NCKAP5: variants seen among roughly 807,000 people sequenced by gnomAD.
The protein encoded by NCKAP5 is nck-associated protein 5.
NCKAP5 carries 92 observed loss-of-function variants against 167.0 expected under a neutral mutation model. The observed-to-expected ratio is 0.55, with a 90% CI of 0.47 to 0.66. NCKAP5 has a LOEUF of 0.66. Among genes scored for constraint, NCKAP5 ranks in the 30% least tolerant of loss-of-function variants. The pLI, the probability that NCKAP5 is intolerant of heterozygous loss-of-function variation, is 0.00. For synonymous variants in NCKAP5, 891 were observed against 877.4 expected, an observed-to-expected ratio of 1.02 and a Z score of -0.27; for missense variants, 2,378 against 2,315.0, an observed-to-expected ratio of 1.03 and a Z score of -0.56.
chr2:133,570,119 G>T (rs990940107), upstream of NCKAP5, among the ~76,000 whole-genome samples: 2 of 152,200 alleles, frequency 1.3e-5, no homozygotes, highest in Non-Finnish European at 2.9e-5. Flanking sequence ...TGCTTACTGA[G>T]TGGATAAAGC....
chr2:132,750,134 G>A (rs565480061), intron 16 of NCKAP5, among the ~76,000 whole-genome samples: 1 of 152,236 alleles, frequency 6.6e-6, no homozygotes, highest in Non-Finnish European at 1.5e-5. Flanking sequence ...GAAAAGCTAG[G>A]GAAGTTGTAT....
chr2:132,788,473 G>A (rs1004274964), intron 13 of NCKAP5, among the ~76,000 whole-genome samples: 4 of 152,188 alleles, frequency 2.6e-5, no homozygotes, highest in Admixed American at 2.0e-4. Context: ...TCTGGCGCCT[G>A]GCTCTGCCAT....
At chr2:132,710,433 C>A (rs1256649524) in intron 19 of NCKAP5, among the ~76,000 whole-genome samples, 1 of 152,172 alleles carries the variant, frequency 6.6e-6, no homozygotes, top group Non-Finnish European at 1.5e-5. Context: ...CACATACAAA[C>A]CTTCCTCTTA....
At chr2:133,408,882 C>G (rs10206474) in intron 3 of NCKAP5, among the ~76,000 whole-genome samples, 35,460 of 151,894 alleles carry the variant, frequency 0.23, 4,271 homozygotes, top group Non-Finnish European at 0.25. Flanking sequence ...ATCAGAGAAG[C>G]AGACCCCAGC....
intron 2 of NCKAP5, among the ~76,000 whole-genome samples, chr2:133,542,329 A>G (rs1032525965): frequency 1.3e-5 from 2 of 152,144 alleles, no homozygotes; most frequent in East Asian, 1.9e-4. Context: ...ACTGCCCAGT[A>G]TCTCATTAAT....
At chr2:132,940,818 A>G (rs975262627) in intron 8 of NCKAP5, among the ~76,000 whole-genome samples, 3 of 151,988 alleles carry the variant, frequency 2.0e-5, no homozygotes. Context: ...ACATTTTGCC[A>G]TGGAAGAGAG....
intron 3 of NCKAP5, among the ~76,000 whole-genome samples, chr2:133,485,210 T>C (rs1397278770): frequency 6.6e-6 from 1 of 152,158 alleles, no homozygotes; most frequent in Non-Finnish European, 1.5e-5. Flanking sequence ...CATTGGTATG[T>C]AATTACGTTT....
At chr2:133,053,927 A>G (rs2079698249) in intron 6 of NCKAP5, among the ~76,000 whole-genome samples, 1 of 152,240 alleles carries the variant, frequency 6.6e-6, no homozygotes, top group African/African-American at 2.4e-5. Flanking sequence ...ATATAATTTA[A>G]CTTCAAAATT....
At chr2:133,151,254 A>C (rs1161571337) in intron 5 of NCKAP5, among the ~76,000 whole-genome samples, 1 of 152,186 alleles carries the variant, frequency 6.6e-6, no homozygotes, top group South Asian at 2.1e-4. Flanking sequence ...TAGATACAAC[A>C]CCAAAAGCAT....
chr2:133,170,102 C>T (rs1464032259), intron 5 of NCKAP5, among the ~76,000 whole-genome samples: 3 of 151,990 alleles, frequency 2.0e-5, no homozygotes, highest in Admixed American at 1.3e-4. Context: ...GTGATTCATA[C>T]AAAAGCAATA....
chr2:133,333,499 G>A (rs527974318), intron 3 of NCKAP5, among the ~76,000 whole-genome samples: 2 of 152,240 alleles, frequency 1.3e-5, no homozygotes, highest in African/African-American at 2.4e-5. Flanking sequence ...ATAGAGTGTG[G>A]AAGTGAAGTC....
At chr2:133,133,691 C>G (rs960914281) in intron 5 of NCKAP5, among the ~76,000 whole-genome samples, 8 of 152,180 alleles carry the variant, frequency 5.3e-5, no homozygotes, top group Admixed American at 4.6e-4. Flanking sequence ...AATGAGCAAA[C>G]TCTGCAAAAA....
chr2:133,024,991 T>C (rs562076637), intron 6 of NCKAP5, among the ~76,000 whole-genome samples: 2 of 152,340 alleles, frequency 1.3e-5, no homozygotes, highest in African/African-American at 4.8e-5. Flanking sequence ...AACCAAGTCG[T>C]ATAGTTGTCT....
intron 8 of NCKAP5, among the ~76,000 whole-genome samples, chr2:132,940,735 G>A (rs1697235590): frequency 6.6e-6 from 1 of 151,522 alleles, no homozygotes; most frequent in Non-Finnish European, 1.5e-5. Context: ...TCAAAGATCT[G>A]GGTCTCTAAT....
chr2:133,261,358 C>T (rs888537764), intron 4 of NCKAP5, among the ~76,000 whole-genome samples: 4 of 152,170 alleles, frequency 2.6e-5, no homozygotes, highest in African/African-American at 9.7e-5. Flanking sequence ...TATTTAATAA[C>T]ACCGCTATAA....
intron 5 of NCKAP5, among the ~76,000 whole-genome samples, chr2:133,209,270 T>C (rs1296784774): frequency 6.6e-6 from 1 of 151,418 alleles, no homozygotes; most frequent in Non-Finnish European, 1.5e-5. Flanking sequence ...AACAGAAATA[T>C]AATCTCAGAG....
At chr2:132,942,558 G>A (rs573601707) in intron 8 of NCKAP5, among the ~76,000 whole-genome samples, 28 of 152,268 alleles carry the variant, frequency 1.8e-4, no homozygotes, top group Non-Finnish European at 3.2e-4. Context: ...ATGAGCCCAC[G>A]TTTTCTGAGA....
chr2:133,674,600 A>T, the NCKAP5 span, among the ~76,000 whole-genome samples: 1 of 152,058 alleles, frequency 6.6e-6, no homozygotes, highest in South Asian at 2.1e-4. Context: ...CACTTAACAC[A>T]TTGGGTGCTT....
chr2:132,956,535 C>T (rs773956481), intron 8 of NCKAP5, among the ~76,000 whole-genome samples: 4 of 152,198 alleles, frequency 2.6e-5, no homozygotes, highest in African/African-American at 7.2e-5. Flanking sequence ...TTCTCTCTCC[C>T]GCATCATCGA....
Sources: gnomAD v4.1 joint callset for allele counts (sites outside exome capture counted in the v4.1 genomes callset) on GRCh38, gnomAD v4.1.1 for gene constraint, MANE v1.5 for transcripts, NCBI Gene and HGNC (gene_info 2026-07-23, HGNC 2026-07-21) for gene names.